PLCH1: variants seen among roughly 807,000 people sequenced by gnomAD.
PLCH1 encodes the protein 1-phosphatidylinositol 4,5-bisphosphate phosphodiesterase eta-1.
Under a neutral mutation model 126.7 loss-of-function variants are expected in PLCH1, and 60 were observed. The ratio of observed to expected loss-of-function variants is 0.47; its 90% CI spans 0.38 to 0.59. The LOEUF is 0.59. PLCH1 is among the 20% of genes least tolerant of loss of function. PLCH1 has a pLI of 0.00. For synonymous variants in PLCH1, 719 were observed against 734.9 expected (o/e 0.98, Z 0.35); for missense variants, 1,723 against 2,040.0 (o/e 0.84, Z 2.99).
At chr3:155,566,955 A>G (rs1186180145) in intron 7 of PLCH1, among the ~76,000 whole-genome samples, 1 of 152,220 alleles carries the variant, frequency 6.6e-6, no homozygotes, top group Non-Finnish European at 1.5e-5. Flanking sequence ...GTTTAATTCC[A>G]TCTTTTCAGG....
downstream of PLCH1, among the ~76,000 whole-genome samples, chr3:155,476,034 G>A (rs1169309338): frequency 2.0e-5 from 3 of 151,994 alleles, no homozygotes; most frequent in Non-Finnish European, 4.4e-5. Flanking sequence ...GCCAATATCT[G>A]TGATGAATAT....
chr3:155,478,328 T>C (rs2107990114), downstream of PLCH1, among the ~76,000 whole-genome samples: 1 of 152,274 alleles, frequency 6.6e-6, no homozygotes, highest in South Asian at 2.1e-4. Context: ...AGACCTACTA[T>C]GTGATAGCAC....
intron 2 of PLCH1, among the ~76,000 whole-genome samples, chr3:155,636,012 T>C (rs533763869): frequency 6.6e-6 from 1 of 152,328 alleles, no homozygotes; most frequent in South Asian, 2.1e-4. Context: ...AACGCATAGG[T>C]TGACAGATGG....
At chr3:155,644,257 T>C (rs559085016) in intron 2 of PLCH1, among the ~76,000 whole-genome samples, 1 of 152,304 alleles carries the variant, frequency 6.6e-6, no homozygotes, top group East Asian at 1.9e-4. Flanking sequence ...CTCAGAGCTA[T>C]TTAATCTCCA....
intron 2 of PLCH1, among the ~76,000 whole-genome samples, chr3:155,702,302 T>C (rs534380526): frequency 1.3e-5 from 2 of 151,906 alleles, no homozygotes; most frequent in East Asian, 3.9e-4. Context: ...ACAGAGCAAA[T>C]ACTGTTATAT....
At chr3:155,744,353 C>T (rs553506174) in intron 1 of PLCH1, among the ~76,000 whole-genome samples, 1 of 152,318 alleles carries the variant, frequency 6.6e-6, no homozygotes, top group South Asian at 2.1e-4. Context: ...TCTAAGAGGT[C>T]CTGAGCAGGG....
At chr3:155,657,698 T>A (rs1372362657) in intron 2 of PLCH1, 2 of 152,326 alleles carry the variant, frequency 1.3e-5, no homozygotes, top group East Asian at 1.9e-4. Context: ...GCTTTAAACT[T>A]TACCAATAAA....
At chr3:155,643,746 A>G (rs1391212221) in intron 2 of PLCH1, among the ~76,000 whole-genome samples, 1 of 152,252 alleles carries the variant, frequency 6.6e-6, no homozygotes, top group Non-Finnish European at 1.5e-5. Flanking sequence ...GTTGCCCATC[A>G]TTGTATTTCC....
At chr3:155,620,711 A>G (rs888733700) in intron 2 of PLCH1, among the ~76,000 whole-genome samples, 5 of 152,166 alleles carry the variant, frequency 3.3e-5, no homozygotes, top group Admixed American at 6.5e-5. Context: ...GCCTCTCCAG[A>G]TTCCTCCTCT....
chr3:155,482,137 G>A lies in PLCH1; in HGVS notation c.3889C>T (p.Pro1297Ser). ...AKTAALESNL[P>S]GSPNTSRGWL... Reference sequence around the variant, plus strand: ...CCACGAGAAGTATTAGGGGATCCAGGCAGGTTGCTTTCTAAGGCCGCTGTC... The same window carrying A: ...CCACGAGAAGTATTAGGGGATCCAGACAGGTTGCTTTCTAAGGCCGCTGTC... Residue 1297 changes from proline (P) to serine (S), a missense_variant, in exon 23 of 23, where the codon CCT (proline) becomes TCT (serine). Transcript: ENST00000460012. The A allele has an allele frequency of 6.2e-7, 1 of 1,614,150 alleles. No homozygotes were observed. Among genetic ancestry groups the A allele is most frequent in the Non-Finnish European group, 8.5e-7 (1 of 1,180,012 alleles).
At chr3:155,627,091 T>G (rs1737400112) in intron 2 of PLCH1, among the ~76,000 whole-genome samples, 1 of 152,196 alleles carries the variant, frequency 6.6e-6, no homozygotes, top group East Asian at 1.9e-4. Context: ...TGCAAAATTT[T>G]TCATGTTAAA....
intron 2 of PLCH1, chr3:155,676,023 A>T (rs1255813113): frequency 1.3e-6 from 2 of 1,537,370 alleles, no homozygotes; most frequent in South Asian, 2.5e-5. Context: ...GTTTTTATAC[A>T]CTTCAAGGTC....
intron 1 of PLCH1, among the ~76,000 whole-genome samples, chr3:155,725,123 T>C (rs1356378023): frequency 6.6e-6 from 1 of 152,144 alleles, no homozygotes; most frequent in Non-Finnish European, 1.5e-5. Context: ...TTCTAGCTTA[T>C]AGGGTTTCTG....
intron 1 of PLCH1, among the ~76,000 whole-genome samples, chr3:155,727,043 A>G (rs1318923328): frequency 2.0e-5 from 3 of 151,656 alleles, no homozygotes; most frequent in South Asian, 2.1e-4. Context: ...TTAATTTTCT[A>G]TGCAGCTTGG....
chr3:155,463,871 C>T (rs1191184204), intron 21 of PLCH1, among the ~76,000 whole-genome samples: 1 of 152,202 alleles, frequency 6.6e-6, no homozygotes, highest in Non-Finnish European at 1.5e-5. Context: ...TCCTTCTAGG[C>T]ATACAGCAAA....
At chr3:155,461,959 C>G (rs1350334359) in intron 21 of PLCH1, among the ~76,000 whole-genome samples, 1 of 152,156 alleles carries the variant, frequency 6.6e-6, no homozygotes, top group Non-Finnish European at 1.5e-5. Context: ...CTAGGACCAC[C>G]CTTCTCACAA....
chr3:155,491,911 G>A (rs1716267927), intron 18 of PLCH1, among the ~76,000 whole-genome samples: 1 of 152,112 alleles, frequency 6.6e-6, no homozygotes, highest in African/African-American at 2.4e-5. Context: ...TGTATTGTTG[G>A]TCATCTGTAG....
chr3:155,651,711 A>G (rs951887795), intron 2 of PLCH1, among the ~76,000 whole-genome samples: 1 of 152,198 alleles, frequency 6.6e-6, no homozygotes, highest in Admixed American at 6.5e-5. Flanking sequence ...TTCTGTTTCA[A>G]TATGAAGTTA....
intron 1 of PLCH1, among the ~76,000 whole-genome samples, chr3:155,725,434 T>A (rs193146950): frequency 6.7e-6 from 1 of 149,010 alleles, no homozygotes; most frequent in Admixed American, 6.8e-5. Flanking sequence ...ACATTCTGTA[T>A]CCTTATATTT....
Sources: allele counts gnomAD v4.1 joint callset (sites outside exome capture counted in the v4.1 genomes callset), GRCh38; gene constraint gnomAD v4.1.1; transcripts MANE v1.5; gene names NCBI Gene and HGNC (gene_info 2026-07-23, HGNC 2026-07-21).